Variants in ERBB4 observed in about 807,000 individuals in gnomAD.
ERBB4 encodes the protein erb-b2 receptor tyrosine kinase 4, also known as receptor tyrosine-protein kinase erbB-4.
In ERBB4, 42 loss-of-function variants were observed where a neutral mutation model predicts 158.0. The observed-to-expected ratio is 0.27, with a 90% CI of 0.21 to 0.34. The LOEUF (loss-of-function observed/expected upper bound fraction) is 0.34, where lower values mean the gene tolerates loss of function less well. Ranked by LOEUF, ERBB4 falls within the 10% of genes least tolerant of loss-of-function variation. ERBB4 has a pLI of 1.00. For missense variants in ERBB4, 1,333 were observed against 1,624.1 expected (o/e 0.82, Z 3.08); for synonymous variants, 583 against 558.7 (o/e 1.04, Z -0.61).
At chr2:212,444,941 G>C (rs981599170) in intron 1 of ERBB4, among the ~76,000 whole-genome samples, 2 of 151,636 alleles carry the variant, frequency 1.3e-5, no homozygotes, top group Non-Finnish European at 2.9e-5. Context: ...TGCCTATCTT[G>C]CATGCCATTC....
At chr2:212,013,894 T>C (rs543876603) in intron 2 of ERBB4, among the ~76,000 whole-genome samples, 2 of 152,336 alleles carry the variant, frequency 1.3e-5, no homozygotes, top group Non-Finnish European at 2.9e-5. Flanking sequence ...TGAAGAACCC[T>C]GAGAGAATAC....
chr2:212,176,695 A>T (rs2081673489), intron 1 of ERBB4, among the ~76,000 whole-genome samples: 1 of 151,968 alleles, frequency 6.6e-6, no homozygotes, highest in Non-Finnish European at 1.5e-5. Context: ...AATCTTCCGT[A>T]AAGCTCCAAG....
chr2:212,121,991 T>G (rs1288546560), intron 2 of ERBB4, among the ~76,000 whole-genome samples: 4 of 151,786 alleles, frequency 2.6e-5, no homozygotes, highest in African/African-American at 9.7e-5. Context: ...GGACCACACC[T>G]TCTTTCTGAT....
chr2:211,723,311 T>C (rs1417873877), intron 6 of ERBB4, among the ~76,000 whole-genome samples: 3 of 152,164 alleles, frequency 2.0e-5, no homozygotes, highest in Admixed American at 6.6e-5. Flanking sequence ...AAAAACAGAA[T>C]ATATGTGTAA....
chr2:212,243,128 A>G (rs1422844352), intron 1 of ERBB4, among the ~76,000 whole-genome samples: 1 of 152,146 alleles, frequency 6.6e-6, no homozygotes, highest in East Asian at 1.9e-4. Flanking sequence ...CTTATTTATC[A>G]ATGCCAATTA....
At chr2:212,352,473 T>C (rs1574748305) in intron 1 of ERBB4, among the ~76,000 whole-genome samples, 1 of 152,272 alleles carries the variant, frequency 6.6e-6, no homozygotes, top group South Asian at 2.1e-4. Context: ...ATCAAGCTAG[T>C]TGAAATTTCA....
intron 20 of ERBB4, among the ~76,000 whole-genome samples, chr2:211,554,898 G>C (rs1345214442): frequency 6.6e-6 from 1 of 152,136 alleles, no homozygotes; most frequent in Admixed American, 6.5e-5. Flanking sequence ...ATTAATACCT[G>C]AGTTAAACAA....
intron 3 of ERBB4, among the ~76,000 whole-genome samples, chr2:211,802,737 C>A (rs1017123658): frequency 6.6e-6 from 1 of 152,200 alleles, no homozygotes. Context: ...ATGCACCTAG[C>A]TATTTCCCCG....
intron 2 of ERBB4, among the ~76,000 whole-genome samples, chr2:211,996,409 C>G (rs2082201517): frequency 6.6e-6 from 1 of 151,804 alleles, no homozygotes; most frequent in South Asian, 2.1e-4. Context: ...TTTTGAATTT[C>G]CATCCTATTT....
chr2:212,214,514 G>A (rs530552795), intron 1 of ERBB4, among the ~76,000 whole-genome samples: 1 of 151,764 alleles, frequency 6.6e-6, no homozygotes, highest in Non-Finnish European at 1.5e-5. Flanking sequence ...TACATAAAGA[G>A]TGCTATATTT....
intron 1 of ERBB4, among the ~76,000 whole-genome samples, chr2:212,523,782 C>A (rs1196070199): frequency 6.6e-6 from 1 of 151,910 alleles, no homozygotes; most frequent in Admixed American, 6.6e-5. Context: ...CATTGTGGAC[C>A]AGTTGTTCCT....
At chr2:211,787,258 T>C (rs974351778) in intron 4 of ERBB4, among the ~76,000 whole-genome samples, 1 of 152,172 alleles carries the variant, frequency 6.6e-6, no homozygotes, top group African/African-American at 2.4e-5. Flanking sequence ...TTCATACAAA[T>C]GTCAGTAATA....
chr2:211,455,040 A>G (rs2064345184), intron 20 of ERBB4, among the ~76,000 whole-genome samples: 2 of 152,224 alleles, frequency 1.3e-5, no homozygotes, highest in African/African-American at 4.8e-5. Flanking sequence ...TGCTACTTAC[A>G]ACAAAGAATG....
chr2:212,492,777 CCATTTA>C (rs1043328005), intron 1 of ERBB4, among the ~76,000 whole-genome samples: 14 of 151,416 alleles, frequency 9.2e-5, no homozygotes, highest in African/African-American at 3.4e-4. Flanking sequence ...TTTGAGTCAT[CCATTTA>C]CTAAAAGAGA....
chr2:212,527,559 A>G (rs1254853792), intron 1 of ERBB4, among the ~76,000 whole-genome samples: 1 of 152,122 alleles, frequency 6.6e-6, no homozygotes, highest in African/African-American at 2.4e-5. Context: ...CAAAGTTTCT[A>G]AAACAGCTTC....
chr2:212,051,147 G>T (rs2077388358), intron 2 of ERBB4, among the ~76,000 whole-genome samples: 1 of 152,146 alleles, frequency 6.6e-6, no homozygotes, highest in Admixed American at 6.6e-5. Flanking sequence ...AAATTAAAAG[G>T]CAGCTCTTCT....
rs543081238 is a variant in ERBB4 at position 211,669,576 on chromosome 2, T to C, written c.1716+3588A>G. Among the ~76,000 whole-genome samples the C allele has an allele frequency of 1.4e-4, 21 of 152,212 alleles. No individual in the cohort carries two copies. In the South Asian group the frequency reaches 4.3e-3, roughly 32 times the overall value. ...AAGTAAAGCAGAGTGAATAAAATTATAAAAAATTAAATAAAATATAGAAGA... is the reference window on the plus strand; with the variant it reads ...AAGTAAAGCAGAGTGAATAAAATTACAAAAAATTAAATAAAATATAGAAGA... On this transcript the variant is annotated intron_variant, in intron 14 of 27. Coordinates refer to ENST00000342788, the MANE Select transcript of ERBB4 (RefSeq NM_005235.3).
intron 1 of ERBB4, among the ~76,000 whole-genome samples, chr2:212,422,753 T>C (rs931770283): frequency 6.6e-6 from 1 of 152,232 alleles, no homozygotes; most frequent in African/African-American, 2.4e-5. Flanking sequence ...AAACCATTTT[T>C]CTTGGCTTGG....
chr2:212,294,868 T>C (rs985196612), intron 1 of ERBB4, among the ~76,000 whole-genome samples: 1 of 152,126 alleles, frequency 6.6e-6, no homozygotes, highest in African/African-American at 2.4e-5. Flanking sequence ...GGGGGTTTGA[T>C]AGAGTGTAAA....
Sources: gnomAD v4.1 joint callset for allele counts (sites outside exome capture counted in the v4.1 genomes callset) on GRCh38, gnomAD v4.1.1 for gene constraint, MANE v1.5 for transcripts, NCBI Gene and HGNC (gene_info 2026-07-23, HGNC 2026-07-21) for gene names.